Variants in POTEM observed in about 807,000 individuals in gnomAD.
POTEM encodes putative POTE ankyrin domain family member M.
For synonymous variants in POTEM, 8 were observed against 113.2 expected, an observed-to-expected ratio of 0.07 and a Z score of 5.90; for missense variants, 24 against 343.0, an observed-to-expected ratio of 0.07 and a Z score of 7.35.
chr14:18,968,764 A>G (rs1276680357), intron 1 of POTEM, among the ~76,000 whole-genome samples: 1 of 152,304 alleles, frequency 6.6e-6, no homozygotes, highest in Non-Finnish European at 1.5e-5. Context: ...CGGAGCTTGC[A>G]GTGAGCCGAG....
intron 3 of POTEM, chr14:18,974,742 CTT>C (rs112378752): frequency 7.0e-3 from 1,261 of 180,614 alleles, no homozygotes; most frequent in Middle Eastern, 0.01. Flanking sequence ...ATTAATCTGA[CTT>C]TTTTTTTTTT....
At chr14:18,969,543 GGC>G (rs1890862310) in intron 1 of POTEM, among the ~76,000 whole-genome samples, 1 of 56,134 alleles carries the variant, frequency 1.8e-5, no homozygotes, top group Non-Finnish European at 3.2e-5. Context: ...CACCACGCCT[GGC>G]TAATTGTTTT....
intron 1 of POTEM, among the ~76,000 whole-genome samples, chr14:18,969,361 A>ATATATATATATATATATACATGTGTG (rs1890854737): frequency 2.6e-5 from 2 of 77,280 alleles, no homozygotes; most frequent in Non-Finnish European, 7.0e-5. Context: ...ACATGTGTAT[A>ATATATATATATATATATACATGTGTG]TATATATATA....
At chr14:18,996,670 C>T (rs1295386620) in intron 9 of POTEM, among the ~76,000 whole-genome samples, 2 of 119,808 alleles carry the variant, frequency 1.7e-5, no homozygotes, top group Non-Finnish European at 3.4e-5. Flanking sequence ...CCATCACCCC[C>T]AGATGGGACC....
intron 9 of POTEM, among the ~76,000 whole-genome samples, chr14:18,992,727 T>G (rs1238561292): frequency 2.1e-5 from 1 of 47,746 alleles, no homozygotes. Flanking sequence ...TGCCTGGTAA[T>G]TATATGTATT....
chr14:18,971,117 ATCTC>A, intron 1 of POTEM, among the ~76,000 whole-genome samples: 1 of 12,514 alleles, frequency 8.0e-5, no homozygotes, highest in Admixed American at 6.8e-4. Flanking sequence ...ATATTCTACT[ATCTC>A]TCAGGATCCT....
chr14:18,969,084 T>C (rs1237299446), intron 1 of POTEM, among the ~76,000 whole-genome samples: 1 of 147,186 alleles, frequency 6.8e-6, no homozygotes, highest in African/African-American at 2.6e-5. Context: ...CCGAAATATA[T>C]GTAGGAATTT....
intron 9 of POTEM, among the ~76,000 whole-genome samples, chr14:18,996,258 C>G (rs1310728723): frequency 6.6e-6 from 1 of 151,278 alleles, no homozygotes; most frequent in African/African-American, 2.5e-5. Context: ...ATTCAAAGTC[C>G]TATGTTAAAA....
At chr14:18,968,771 C>A (rs1354726451) in intron 1 of POTEM, among the ~76,000 whole-genome samples, 1 of 152,402 alleles carries the variant, frequency 6.6e-6, no homozygotes, top group African/African-American at 2.4e-5. Flanking sequence ...TGCAGTGAGC[C>A]GAGATCACGC....
chr14:18,968,579 G>T (rs1465500046), intron 1 of POTEM, among the ~76,000 whole-genome samples: 1 of 145,778 alleles, frequency 6.9e-6, no homozygotes, highest in East Asian at 2.0e-4. Flanking sequence ...CCAGCACTTT[G>T]GGAGGCTGAG....
intron 9 of POTEM, among the ~76,000 whole-genome samples, chr14:18,995,165 T>TGAA (rs1891279257): frequency 1.1e-5 from 1 of 90,772 alleles, no homozygotes; most frequent in African/African-American, 5.0e-5. Context: ...TTTGCTGTGC[T>TGAA]GAAGGTTTTT....
At chr14:18,986,617 A>G (rs879630738) in intron 7 of POTEM, among the ~76,000 whole-genome samples, 153 of 143,918 alleles carry the variant, frequency 1.1e-3, no homozygotes, top group Admixed American at 1.9e-3. Context: ...ATATTACAGT[A>G]TATAATTTCA....
chr14:18,969,157 T>C (rs1163406055), intron 1 of POTEM, among the ~76,000 whole-genome samples: 1 of 135,834 alleles, frequency 7.4e-6, no homozygotes, highest in African/African-American at 2.9e-5. Flanking sequence ...TAATTCATTT[T>C]TGGAGAAAAC....
At chr14:18,969,335 G>T (rs928793538) in intron 1 of POTEM, among the ~76,000 whole-genome samples, 1 of 76,958 alleles carries the variant, frequency 1.3e-5, no homozygotes, top group Admixed American at 1.2e-4. Flanking sequence ...ATATATATAC[G>T]TATATACATA....
At position 19,002,825 on chromosome 14, in the gene POTEM, T is replaced by C. The variant is rs1315681397; in HGVS notation, c.*4160T>C. 2.6e-5 allele frequency among the ~76,000 whole-genome samples: 4 copies of C among 152,262 alleles called. No homozygotes were observed. Among genetic ancestry groups the C allele is most frequent in the African/African-American group, 9.6e-5 (4 of 41,462 alleles). The stretch of plus-strand genomic sequence containing the variant: ...AAACTTCCTACATCACTTTGCTGTG[T>C]GTGTTTACACAGGTGGATTTTGCTT... On this transcript the variant is annotated 3_prime_UTR_variant, in exon 11 of 11. Transcript: ENST00000547889.
rs1891411020 is a variant in POTEM at position 19,002,905 on chromosome 14, G to T, written c.*4240G>T. ...GCACACACCCCAACCCACATCAACT[G>T]CCATTAAAGAAAAGAAATTTCAGCC... On this transcript the variant is annotated 3_prime_UTR_variant, in exon 11 of 11. Coordinates refer to ENST00000547889, the MANE Select transcript of POTEM (RefSeq NM_001145442.1). 1.3e-5 allele frequency among the ~76,000 whole-genome samples: 2 copies of T among 152,288 alleles called. No homozygotes were observed. Among genetic ancestry groups the T allele is most frequent in the African/African-American group, 4.8e-5 (2 of 41,478 alleles).
intron 1 of POTEM, among the ~76,000 whole-genome samples, chr14:18,968,455 G>T (rs567990142): frequency 1.3e-5 from 2 of 152,336 alleles, no homozygotes; most frequent in Admixed American, 6.5e-5. Flanking sequence ...TCTTTACTGA[G>T]TAATCTTAGA....
intron 7 of POTEM, among the ~76,000 whole-genome samples, chr14:18,986,162 A>G (rs1240945251): frequency 6.9e-6 from 1 of 145,302 alleles, no homozygotes; most frequent in African/African-American, 2.7e-5. Context: ...TATTTTTACA[A>G]CACCCTAACA....
chr14:18,991,230 A>C (rs1470588885), intron 9 of POTEM, among the ~76,000 whole-genome samples: 1 of 111,920 alleles, frequency 8.9e-6, no homozygotes, highest in Non-Finnish European at 2.1e-5. Flanking sequence ...TTCCAAATGC[A>C]TGTCTCCAAC....
Sources: allele counts gnomAD v4.1 joint callset (sites outside exome capture counted in the v4.1 genomes callset), GRCh38; gene constraint gnomAD v4.1.1; transcripts MANE v1.5; gene names NCBI Gene and HGNC (gene_info 2026-07-23, HGNC 2026-07-21).